SPIRE1: variants seen among roughly 807,000 people sequenced by gnomAD.
SPIRE1 encodes the protein spire type actin nucleation factor 1.
In SPIRE1, 40 loss-of-function variants were observed where a neutral mutation model predicts 94.1. The ratio of observed to expected loss-of-function variants is 0.43; its 90% CI spans 0.33 to 0.55. SPIRE1 has a LOEUF of 0.55. Ranked by LOEUF, SPIRE1 falls within the 20% of genes least tolerant of loss-of-function variation. SPIRE1 has a pLI of 0.06. For missense variants in SPIRE1, 838 were observed against 975.2 expected (o/e 0.86, Z 1.87); for synonymous variants, 376 against 371.7 (o/e 1.01, Z -0.13).
intron 10 of SPIRE1, among the ~76,000 whole-genome samples, chr18:12,476,558 AAAAAAAATATAT>A (rs1260375291): frequency 0.011 from 943 of 82,924 alleles, 10 homozygotes; most frequent in African/African-American, 0.064. Context: ...AAAAAAAAAA[AAAAAAAATATAT>A]ATATATATAT....
chr18:12,550,552 A>AG (rs2035318809), intron 2 of SPIRE1, among the ~76,000 whole-genome samples: 1 of 152,012 alleles, frequency 6.6e-6, no homozygotes, highest in Non-Finnish European at 1.5e-5. Flanking sequence ...TGCAGAGATG[A>AG]GGTCTTGCTA....
Position 12,639,374 on chromosome 18 carries a change from G to C in SPIRE1, c.338-4278C>G, listed in dbSNP as rs117942882. On this transcript the variant is annotated intron_variant, in intron 1 of 16. Transcript: ENST00000409402. ...TGGCCAACCTTTGAAGAAAGACTCA[G>C]AACTTGTCAAGTGTAAATCCCTTGA... Among the ~76,000 whole-genome samples the C allele has an allele frequency of 4.7e-3, 722 of 152,322 alleles. 3 individuals carry two copies. The Middle Eastern group carries it at 0.048, about 10-fold the overall frequency.
chr18:12,493,200 A>G lies in SPIRE1; in HGVS notation c.1061T>C (p.Val354Ala). 1 of 1,607,528 alleles carries G rather than the reference A, an allele frequency of 6.2e-7. No individual in the cohort carries two copies. The highest frequency in any genetic ancestry group is 1.3e-5 in the African/African-American group (1 of 74,326). The change falls in exon 8 of 17, where the codon GTC (valine) becomes GCC (alanine). Residue 354 changes from valine (V) to alanine (A), a missense_variant and splice_region_variant. Around this residue, in one of 2 missense-constraint regions of SPIRE1, gnomAD observed 645 missense variants for 804.7 expected, o/e 0.80. Transcript: ENST00000409402. ...AGTTGGTTTCAGTTTTCTGGCTGAG[A>G]CCTTGAAAGTAAGAAAAATGGCTAA... is the stretch of plus-strand genomic sequence containing the variant. ...FIRSRPPLNP[V>A]SARKLKPTPP...
At chr18:12,612,107 C>T (rs754506199) in intron 2 of SPIRE1, among the ~76,000 whole-genome samples, 2 of 152,106 alleles carry the variant, frequency 1.3e-5, no homozygotes, top group African/African-American at 2.4e-5. Flanking sequence ...AAGCCTTTTG[C>T]CCTCACGCTA....
At chr18:12,487,458 G>C (rs1296346936) in intron 8 of SPIRE1, among the ~76,000 whole-genome samples, 1 of 147,102 alleles carries the variant, frequency 6.8e-6, no homozygotes, top group Admixed American at 6.9e-5. Flanking sequence ...GGAGTGCAGT[G>C]GCTGCAGTGG....
chr18:12,494,893 CAAAA>C (rs1380786153), intron 7 of SPIRE1, among the ~76,000 whole-genome samples: 1 of 90,232 alleles, frequency 1.1e-5, no homozygotes, highest in Non-Finnish European at 2.3e-5. Flanking sequence ...ACTGAAAATA[CAAAA>C]AAATTAGCCA....
At chr18:12,461,507 T>C (rs1004573770) in intron 12 of SPIRE1, among the ~76,000 whole-genome samples, 6 of 141,570 alleles carry the variant, frequency 4.2e-5, no homozygotes, top group African/African-American at 1.3e-4. Flanking sequence ...CGTACATATG[T>C]ACGTACATAC....
intron 7 of SPIRE1, among the ~76,000 whole-genome samples, chr18:12,494,731 T>C (rs1175789598): frequency 7.7e-5 from 11 of 143,434 alleles, no homozygotes; most frequent in Admixed American, 2.1e-4. Flanking sequence ...CCCAGCTACT[T>C]GGTAGGCTGA....
At chr18:12,660,960 TG>T (rs559891328), upstream of SPIRE1, among the ~76,000 whole-genome samples, 18 of 152,326 alleles carry the variant, frequency 1.2e-4, no homozygotes, top group South Asian at 3.5e-3. Context: ...GACTCTTTTT[TG>T]TATAAAGACT....
At chr18:12,623,673 G>T (rs2037539514) in intron 2 of SPIRE1, among the ~76,000 whole-genome samples, 1 of 151,914 alleles carries the variant, frequency 6.6e-6, no homozygotes, top group Non-Finnish European at 1.5e-5. Context: ...TTGTCACCCA[G>T]GCTGGAGTGC....
At chr18:12,634,645 C>T (rs1464467706) in intron 2 of SPIRE1, among the ~76,000 whole-genome samples, 1 of 152,056 alleles carries the variant, frequency 6.6e-6, no homozygotes, top group African/African-American at 2.4e-5. Flanking sequence ...CTCAAAACAT[C>T]TTATCAGGGC....
chr18:12,477,918 T>C (rs1033564528), intron 10 of SPIRE1, among the ~76,000 whole-genome samples: 1 of 152,036 alleles, frequency 6.6e-6, no homozygotes, highest in African/African-American at 2.4e-5. Context: ...GCAAATTTTA[T>C]TCTGTAAGTG....
intron 9 of SPIRE1, among the ~76,000 whole-genome samples, chr18:12,484,510 A>G (rs891459437): frequency 1.3e-5 from 2 of 152,236 alleles, no homozygotes; most frequent in Non-Finnish European, 2.9e-5. Flanking sequence ...ACAGTTGGAA[A>G]CTAGCTTTGT....
chr18:12,577,234 G>A (rs926475134), intron 2 of SPIRE1, among the ~76,000 whole-genome samples: 24 of 141,126 alleles, frequency 1.7e-4, no homozygotes, highest in African/African-American at 5.4e-4. Context: ...TGCAAGCTCC[G>A]CCTCCCAGGG....
At chr18:12,560,038 A>G (rs866211446) in intron 2 of SPIRE1, among the ~76,000 whole-genome samples, 1 of 152,234 alleles carries the variant, frequency 6.6e-6, no homozygotes, top group African/African-American at 2.4e-5. Context: ...TCAAAACTAC[A>G]ATGATATCTC....
chr18:12,658,888 G>A (rs543238338), upstream of SPIRE1: 1 of 279,058 alleles, frequency 3.6e-6, no homozygotes, highest in Admixed American at 4.8e-5. Context: ...TAGTTTTAGC[G>A]TCCTTCCGGA....
At chr18:12,526,046 A>C (rs1345870014) in intron 4 of SPIRE1, among the ~76,000 whole-genome samples, 1 of 26,290 alleles carries the variant, frequency 3.8e-5, no homozygotes. Context: ...TAGGGTCAGA[A>C]TACTGAAGAT....
intron 3 of SPIRE1, 115 bp downstream of exon 3, chr18:12,546,559 C>T: frequency 1.3e-6 from 1 of 785,946 alleles, no homozygotes; most frequent in East Asian, 2.5e-5. Flanking sequence ...CATGATCACA[C>T]CACTGCACTC....
At chr18:12,591,201 T>C (rs1422425796) in intron 2 of SPIRE1, among the ~76,000 whole-genome samples, 1 of 151,918 alleles carries the variant, frequency 6.6e-6, no homozygotes, top group Non-Finnish European at 1.5e-5. Flanking sequence ...TGGAAGGAGG[T>C]GAGAGGCTAA....
Sources: gnomAD v4.1 joint callset for allele counts (sites outside exome capture counted in the v4.1 genomes callset) on GRCh38, gnomAD v4.1.1 for gene constraint, gnomAD v4.1.1 regional missense constraint, MANE v1.5 for transcripts, NCBI Gene and HGNC (gene_info 2026-07-23, HGNC 2026-07-21) for gene names.